Variants in KLF12 observed in about 807,000 individuals in gnomAD.
The protein encoded by KLF12 is Krueppel-like factor 12.
In KLF12, 9 loss-of-function variants were observed where a neutral mutation model predicts 37.8. The ratio of observed to expected loss-of-function variants is 0.24; its 90% CI spans 0.14 to 0.42. The LOEUF (loss-of-function observed/expected upper bound fraction) is 0.42, where lower values mean the gene tolerates loss of function less well. Among genes scored for constraint, KLF12 ranks in the 10% least tolerant of loss-of-function variants. KLF12 has a pLI of 1.00. For missense variants in KLF12, 411 were observed against 516.0 expected, an observed-to-expected ratio of 0.80 and a Z score of 1.97; for synonymous variants, 208 against 202.1, an observed-to-expected ratio of 1.03 and a Z score of -0.25.
the KLF12 span, among the ~76,000 whole-genome samples, chr13:74,197,864 A>G: frequency 6.6e-6 from 1 of 152,084 alleles, no homozygotes; most frequent in Non-Finnish European, 1.5e-5. Context: ...TCATCCCTCC[A>G]GGAGGAGGGT....
chr13:73,960,992 C>CT (rs1158507677), intron 2 of KLF12, among the ~76,000 whole-genome samples: 2 of 151,980 alleles, frequency 1.3e-5, no homozygotes, highest in African/African-American at 4.8e-5. Flanking sequence ...AGTGAGTGTA[C>CT]TTTTAAAGAT....
At chr13:73,999,699 C>A (rs980204155) in intron 1 of KLF12, among the ~76,000 whole-genome samples, 1 of 152,132 alleles carries the variant, frequency 6.6e-6, no homozygotes, top group Non-Finnish European at 1.5e-5. Context: ...GAGATCGCTC[C>A]GCTACACTCC....
At chr13:74,241,970 C>A in the KLF12 span, among the ~76,000 whole-genome samples, 1 of 152,046 alleles carries the variant, frequency 6.6e-6, no homozygotes, top group Non-Finnish European at 1.5e-5. Flanking sequence ...GCTCCTCCCC[C>A]CAGGTACCGA....
upstream of KLF12, among the ~76,000 whole-genome samples, chr13:74,137,290 G>A (rs1160175843): frequency 1.3e-5 from 2 of 152,188 alleles, no homozygotes; most frequent in Admixed American, 6.5e-5. Flanking sequence ...AATGTGTAGC[G>A]AGAAAGTACG....
intron 3 of KLF12, among the ~76,000 whole-genome samples, chr13:73,908,692 C>T (rs750407242): frequency 6.6e-6 from 1 of 151,886 alleles, no homozygotes; most frequent in Non-Finnish European, 1.5e-5. Context: ...ATTGGCCAGG[C>T]TTGTATTGAA....
intron 1 of KLF12, among the ~76,000 whole-genome samples, chr13:74,066,062 A>C (rs1360727514): frequency 6.6e-6 from 1 of 152,122 alleles, no homozygotes; most frequent in Non-Finnish European, 1.5e-5. Context: ...GGAGGTGCAT[A>C]AACAGAAAAT....
At chr13:74,230,667 G>A in the KLF12 span, among the ~76,000 whole-genome samples, 1 of 152,142 alleles carries the variant, frequency 6.6e-6, no homozygotes, top group African/African-American at 2.4e-5. Flanking sequence ...TCACGTACTC[G>A]GGATGAATTC....
At chr13:73,889,112 G>A (rs966834231) in intron 3 of KLF12, among the ~76,000 whole-genome samples, 7 of 152,164 alleles carry the variant, frequency 4.6e-5, no homozygotes, top group African/African-American at 7.2e-5. Context: ...TAGAATCCAC[G>A]GGAGTGTGTG....
the KLF12 span, among the ~76,000 whole-genome samples, chr13:74,203,475 CTA>C: frequency 6.6e-6 from 1 of 151,982 alleles, no homozygotes; most frequent in South Asian, 2.1e-4. Context: ...TTAAATAAGA[CTA>C]TTATGGTCCA....
chr13:74,290,595 C>G, the KLF12 span, among the ~76,000 whole-genome samples: 1 of 152,216 alleles, frequency 6.6e-6, no homozygotes, highest in African/African-American at 2.4e-5. Context: ...CATACTTATA[C>G]CTGCCTCTTA....
intron 3 of KLF12, among the ~76,000 whole-genome samples, chr13:73,877,305 T>C (rs1290072448): frequency 1.3e-5 from 2 of 152,236 alleles, no homozygotes; most frequent in Non-Finnish European, 2.9e-5. Flanking sequence ...GAAGAAAATG[T>C]GCACGCTTTT....
chr13:73,712,273 G>A (rs888728469), intron 7 of KLF12, among the ~76,000 whole-genome samples: 4 of 149,782 alleles, frequency 2.7e-5, no homozygotes, highest in Non-Finnish European at 4.4e-5. Context: ...GGGAGGCGGA[G>A]GCTGAGGTAA....
At chr13:74,235,341 C>G in the KLF12 span, among the ~76,000 whole-genome samples, 1 of 152,162 alleles carries the variant, frequency 6.6e-6, no homozygotes, top group Non-Finnish European at 1.5e-5. Flanking sequence ...AAGAGTTTAT[C>G]TAAGTTATTC....
intron 5 of KLF12, among the ~76,000 whole-genome samples, chr13:73,805,127 C>T (rs1268571832): frequency 1.3e-5 from 2 of 152,040 alleles, no homozygotes; most frequent in Admixed American, 1.3e-4. Flanking sequence ...AACTTTTTCC[C>T]AAGATTTTCT....
chr13:73,843,287 C>T (rs1007811769), intron 4 of KLF12, among the ~76,000 whole-genome samples: 1 of 151,166 alleles, frequency 6.6e-6, no homozygotes, highest in Non-Finnish European at 1.5e-5. Context: ...TTGATGGATG[C>T]TAGACATGTA....
intron 1 of KLF12, among the ~76,000 whole-genome samples, chr13:74,022,034 T>C (rs140683052): frequency 1.3e-5 from 2 of 152,244 alleles, no homozygotes; most frequent in African/African-American, 4.8e-5. Flanking sequence ...CGGCTTTCAT[T>C]CCAAGTCATC....
chr13:74,025,979 T>C (rs1892966534), intron 1 of KLF12, among the ~76,000 whole-genome samples: 1 of 152,194 alleles, frequency 6.6e-6, no homozygotes, highest in Admixed American at 6.5e-5. Context: ...CTAAGATTTC[T>C]CTAGTGAAAC....
chr13:74,066,703 G>A (rs1353383459), intron 1 of KLF12, among the ~76,000 whole-genome samples: 3 of 152,090 alleles, frequency 2.0e-5, no homozygotes, highest in Admixed American at 6.6e-5. Context: ...TAATCATGGT[G>A]ATGTTATATG....
chr13:74,107,559 C>T (rs377063810), intron 1 of KLF12, among the ~76,000 whole-genome samples: 6 of 152,180 alleles, frequency 3.9e-5, no homozygotes, highest in South Asian at 2.1e-4. Context: ...TGTGCGCATG[C>T]GCACACATGT....
Sources: allele counts gnomAD v4.1 joint callset (sites outside exome capture counted in the v4.1 genomes callset), GRCh38; gene constraint gnomAD v4.1.1; transcripts MANE v1.5; gene names NCBI Gene and HGNC (gene_info 2026-07-23, HGNC 2026-07-21).